Variants in LRRC8A observed in about 807,000 individuals in gnomAD.
LRRC8A encodes volume-regulated anion channel subunit LRRC8A.
Under a neutral mutation model 52.5 loss-of-function variants are expected in LRRC8A, and 24 were observed. The ratio of observed to expected loss-of-function variants is 0.46; its 90% CI spans 0.33 to 0.64. The LOEUF is 0.64. LRRC8A is among the 30% of genes least tolerant of loss of function. LRRC8A has a pLI of 0.02. For synonymous variants in LRRC8A, 492 were observed against 494.2 expected (o/e 1.00, Z 0.06); for missense variants, 677 against 1,094.7 (o/e 0.62, Z 5.38).
intron 2 of LRRC8A, among the ~76,000 whole-genome samples, chr9:128,900,218 G>C (rs79777838): frequency 0.023 from 3,466 of 152,208 alleles, 132 homozygotes; most frequent in African/African-American, 0.08. Flanking sequence ...CCACCACACC[G>C]GGGGCCCACG....
chr9:128,900,594 G>C (rs753913736), intron 2 of LRRC8A, among the ~76,000 whole-genome samples: 1 of 151,922 alleles, frequency 6.6e-6, no homozygotes, highest in Non-Finnish European at 1.5e-5. Context: ...TATAATCCTA[G>C]CTACTCAGGA....
intron 2 of LRRC8A, among the ~76,000 whole-genome samples, chr9:128,890,990 A>T (rs1387073955): frequency 1.4e-5 from 2 of 147,052 alleles, no homozygotes; most frequent in Non-Finnish European, 3.0e-5. Context: ...CTACAAAAAT[A>T]AAAAAAAAAT....
chr9:128,887,573 AT>A (rs1160796059), intron 2 of LRRC8A, among the ~76,000 whole-genome samples: 1 of 151,930 alleles, frequency 6.6e-6, no homozygotes, highest in African/African-American at 2.4e-5. Context: ...CCATTTGCTT[AT>A]TTTTATAAAA....
chr9:128,912,302 A>G (rs1452617981), intron 3 of LRRC8A, among the ~76,000 whole-genome samples: 5 of 152,212 alleles, frequency 3.3e-5, no homozygotes, highest in African/African-American at 1.2e-4. Flanking sequence ...AAGAAGGCCA[A>G]GTAACGAGGC....
chr9:128,907,815 A>G lies in LRRC8A; in HGVS notation c.651A>G (p.Ser217=). Reference sequence around the variant, plus strand: ...TGCCCATGCTGCAGCGGACCAAGTCACGGATCGAGCAGGGTATCGTGGACC... The same window carrying G: ...TGCCCATGCTGCAGCGGACCAAGTCGCGGATCGAGCAGGGTATCGTGGACC... ...ATVPMLQRTK[S]RIEQGIVDRS... is the part of the protein sequence containing the mutation. Residue 217 remains serine, a synonymous_variant, in exon 3 of 4, where the codon TCA becomes TCG. Coordinates refer to ENST00000372600, the MANE Select transcript of LRRC8A (RefSeq NM_019594.4). The surrounding 1 kb of genome is among the most constrained non-coding windows in gnomAD (Gnocchi z 9.3). 6.2e-7 allele frequency: 1 copy of G among 1,614,026 alleles called. No individual in the cohort carries two copies. Among genetic ancestry groups the G allele is most frequent in the Non-Finnish European group, 8.5e-7 (1 of 1,179,998 alleles).
chr9:128,885,896 C>T (rs1839377216), intron 1 of LRRC8A, 119 bp from the exon 2 acceptor site: 1 of 152,224 alleles, frequency 6.6e-6, no homozygotes, highest in Non-Finnish European at 1.5e-5. Context: ...TCTTTTGTCA[C>T]CCCAGAGCCC....
At chr9:128,911,000 C>G (rs1267841205) in intron 3 of LRRC8A, among the ~76,000 whole-genome samples, 1 of 152,176 alleles carries the variant, frequency 6.6e-6, no homozygotes, top group Non-Finnish European at 1.5e-5. Flanking sequence ...TGCACCTGTC[C>G]TCCTTCCACC....
intron 2 of LRRC8A, among the ~76,000 whole-genome samples, chr9:128,890,519 C>T (rs1588199599): frequency 6.6e-6 from 1 of 152,300 alleles, no homozygotes; most frequent in East Asian, 1.9e-4. Context: ...CACTGACCAG[C>T]AGCGGGGGCG....
At chr9:128,886,294 G>C (rs1430657429) in intron 2 of LRRC8A, among the ~76,000 whole-genome samples, 173 bp downstream of exon 2, 1 of 152,224 alleles carries the variant, frequency 6.6e-6, no homozygotes, top group African/African-American at 2.4e-5. Context: ...TTCTCCCGCT[G>C]AGTAATGTGT....
At chr9:128,891,540 G>A (rs1213342302) in intron 2 of LRRC8A, among the ~76,000 whole-genome samples, 1 of 152,150 alleles carries the variant, frequency 6.6e-6, no homozygotes, top group Non-Finnish European at 1.5e-5. Flanking sequence ...CAGCCTCGGC[G>A]ACAGCGCAAG....
In LRRC8A at chr9:128,902,075, G is replaced by T. The variant is rs1333462894; in HGVS notation, c.-8-5082G>T. Among the ~76,000 whole-genome samples, 1 of 152,218 alleles carries T rather than the reference G, an allele frequency of 6.6e-6. No homozygotes were observed. Among genetic ancestry groups the T allele is most frequent in the Non-Finnish European group, 1.5e-5 (1 of 68,030 alleles). On this transcript the variant is annotated intron_variant, in intron 2 of 3. Transcript: ENST00000372600. The surrounding 1 kb of genome is among the most constrained non-coding windows in gnomAD (Gnocchi z 4.1). ...CGGGCCAGGCCTGTGAGAGACTCCA[G>T]TCCAGGCCCTTCTCAGCTCTGCAGC...
chr9:128,905,441 T>C (rs1840209159), intron 2 of LRRC8A, among the ~76,000 whole-genome samples: 1 of 152,208 alleles, frequency 6.6e-6, no homozygotes. Flanking sequence ...CTCACAGAGA[T>C]CTTGCTGCGT....
chr9:128,892,166 C>G lies in LRRC8A; in HGVS notation c.-9+6045C>G, dbSNP rs191926102. On this transcript the variant is annotated intron_variant, in intron 2 of 3. Transcript: ENST00000372600. This position sits in a 1 kb window ranked among gnomAD's most constrained non-coding sequence, Gnocchi z 5.2. ...TCACGGTCTCGTGGTGAGGTGGGTG[C>G]CACCTTGCTGCTATGCATGAAGGTT... Among the ~76,000 whole-genome samples, 1 of 152,308 alleles carries G rather than the reference C, an allele frequency of 6.6e-6. No individual in the cohort carries two copies. The highest frequency in any genetic ancestry group is 6.5e-5 in the Admixed American group (1 of 15,298).
Position 128,902,807 on chromosome 9 carries a change from TG to T in LRRC8A, c.-8-4346del, listed in dbSNP as rs1270039318. Among the ~76,000 whole-genome samples the T allele has an allele frequency of 6.6e-6, 1 of 152,122 alleles. No individual in the cohort carries two copies. The highest frequency in any genetic ancestry group is 1.5e-5 in the Non-Finnish European group (1 of 67,996). On this transcript the variant is annotated intron_variant, in intron 2 of 3. Coordinates refer to ENST00000372600, the MANE Select transcript of LRRC8A (RefSeq NM_019594.4). This position sits in a 1 kb window ranked among gnomAD's most constrained non-coding sequence, Gnocchi z 4.1. ...TCATTAGAGGGCCCGGGCCTTCCTG[TG>T]GGGCGGGTGCTTGCCCTGGCCCGTG...
chr9:128,901,419 G>A (rs1339455426), intron 2 of LRRC8A, among the ~76,000 whole-genome samples: 1 of 152,090 alleles, frequency 6.6e-6, no homozygotes, highest in Non-Finnish European at 1.5e-5. Flanking sequence ...AGCCCAGATC[G>A]TGCCACTGCA....
chr9:128,901,862 C>T (rs1451203716), intron 2 of LRRC8A, among the ~76,000 whole-genome samples: 2 of 152,190 alleles, frequency 1.3e-5, no homozygotes, highest in Non-Finnish European at 2.9e-5. Flanking sequence ...GGCTCCTTTC[C>T]CCACACCCTT....
rs1401424672 is a variant in LRRC8A at position 128,899,840 on chromosome 9, G to C, written c.-8-7317G>C. The stretch of plus-strand genomic sequence containing the variant: ...GTGATGGTTGCACAACAGTGAATGT[G>C]CTTCATGCCACTGAACTACACCCCT... On this transcript the variant is annotated intron_variant, in intron 2 of 3. Transcript: ENST00000372600. The surrounding 1 kb of genome is among the most constrained non-coding windows in gnomAD (Gnocchi z 4.0). Among the ~76,000 whole-genome samples, 4 of 152,178 alleles carry C rather than the reference G, an allele frequency of 2.6e-5. No homozygotes were observed. The highest frequency in any genetic ancestry group is 9.7e-5 in the African/African-American group (4 of 41,444).
At chr9:128,915,960 GC>G in intron 3 of LRRC8A, 135 bp from the exon 4 acceptor site, 1 of 1,089,318 alleles carries the variant, frequency 9.2e-7, no homozygotes, top group Non-Finnish European at 1.3e-6. Context: ...CCAGAGTTTG[GC>G]CCAGATTGTG....
intron 2 of LRRC8A, among the ~76,000 whole-genome samples, chr9:128,901,961 T>A (rs930138847): frequency 6.6e-5 from 10 of 152,194 alleles, no homozygotes; most frequent in African/African-American, 2.4e-4. Context: ...TTTTCCAGAA[T>A]CACACAGCAG....
Sources: allele counts gnomAD v4.1 joint callset (sites outside exome capture counted in the v4.1 genomes callset), GRCh38; gene constraint gnomAD v4.1.1; non-coding constraint Gnocchi (gnomAD v3.1); transcripts MANE v1.5; gene names NCBI Gene and HGNC (gene_info 2026-07-23, HGNC 2026-07-21).